Variants in PCDHA12 observed in about 807,000 individuals in gnomAD.
PCDHA12 encodes protocadherin alpha 12.
A neutral mutation model predicts 60.0 loss-of-function variants in PCDHA12; 44 were observed. The observed-to-expected ratio is 0.73, with a 90% CI of 0.58 to 0.94. The LOEUF (loss-of-function observed/expected upper bound fraction) is 0.94, where lower values mean the gene tolerates loss of function less well. Among genes scored for constraint, PCDHA12 ranks in the 40% least tolerant of loss-of-function variants. The pLI is 0.00. For missense variants in PCDHA12, 1,276 were observed against 1,239.7 expected (o/e 1.03, Z -0.44); for synonymous variants, 569 against 553.0 (o/e 1.03, Z -0.40).
At chr5:140,937,798 G>A (rs782138454) in intron 1 of PCDHA12, among the ~76,000 whole-genome samples, 1 of 151,676 alleles carries the variant, frequency 6.6e-6, no homozygotes, top group African/African-American at 2.4e-5. Flanking sequence ...TGTAGTCCCA[G>A]CTACTCGGGA....
chr5:140,947,020 G>A (rs782772876), intron 1 of PCDHA12, among the ~76,000 whole-genome samples: 3 of 151,616 alleles, frequency 2.0e-5, no homozygotes, highest in Non-Finnish European at 4.4e-5. Flanking sequence ...AATGTTTGAG[G>A]TAATGGATAT....
intron 1 of PCDHA12, chr5:140,926,964 C>G (rs149218057): frequency 1.9e-6 from 3 of 1,606,346 alleles, no homozygotes; most frequent in African/African-American, 2.7e-5. Flanking sequence ...AGCTCGAGTA[C>G]TCAGTGCCGG....
chr5:140,959,303 T>C (rs1467527270), intron 1 of PCDHA12, among the ~76,000 whole-genome samples: 1 of 151,938 alleles, frequency 6.6e-6, no homozygotes, highest in African/African-American at 2.4e-5. Flanking sequence ...CTGAGCCCGG[T>C]GGTTGAAGCT....
At chr5:140,979,563 C>T (rs1480899524) in intron 2 of PCDHA12, among the ~76,000 whole-genome samples, 1 of 152,174 alleles carries the variant, frequency 6.6e-6, no homozygotes, top group African/African-American at 2.4e-5. Context: ...GAAGATGAGC[C>T]ATGTAAAGGG....
chr5:140,881,587 G>C (rs1025219392), intron 1 of PCDHA12, among the ~76,000 whole-genome samples: 2 of 152,186 alleles, frequency 1.3e-5, no homozygotes, highest in Non-Finnish European at 1.5e-5. Context: ...CACATTGAGG[G>C]AAATTTATTA....
intron 3 of PCDHA12, among the ~76,000 whole-genome samples, chr5:140,984,768 G>A (rs569046665): frequency 7.2e-5 from 11 of 152,172 alleles, no homozygotes; most frequent in African/African-American, 2.4e-4. Flanking sequence ...CTAATCCCAA[G>A]CTTACTTGCT....
chr5:140,955,216 C>T (rs2095153192), intron 1 of PCDHA12, among the ~76,000 whole-genome samples: 2 of 152,122 alleles, frequency 1.3e-5, no homozygotes, highest in East Asian at 3.9e-4. Flanking sequence ...AGCATGATGC[C>T]TCCAGCTTTG....
chr5:140,993,462 TCACACACACACA>T (rs3836747), intron 3 of PCDHA12, among the ~76,000 whole-genome samples: 1,999 of 141,038 alleles, frequency 0.014, 48 homozygotes, highest in African/African-American at 0.047. Context: ...TCTTTCTTTC[TCACACACACACA>T]CACACACACA....
chr5:140,967,779 C>G, intron 1 of PCDHA12: 1 of 1,614,222 alleles, frequency 6.2e-7, no homozygotes, highest in Non-Finnish European at 8.5e-7. Flanking sequence ...GTGCAGGCGA[C>G]TGACCGGGGT....
intron 1 of PCDHA12, among the ~76,000 whole-genome samples, chr5:140,912,858 A>G (rs1554195572): frequency 6.6e-6 from 1 of 152,192 alleles, no homozygotes; most frequent in East Asian, 1.9e-4. Context: ...ATCAATTGAA[A>G]TGATATATGG....
intron 1 of PCDHA12, among the ~76,000 whole-genome samples, chr5:140,945,892 G>T (rs1351699782): frequency 1.3e-5 from 2 of 152,018 alleles, no homozygotes; most frequent in African/African-American, 4.8e-5. Context: ...AGAAAACACA[G>T]TGGGAAAGAT....
intron 3 of PCDHA12, among the ~76,000 whole-genome samples, chr5:141,007,315 C>A (rs1207897662): frequency 1.3e-5 from 2 of 148,308 alleles, no homozygotes; most frequent in Admixed American, 1.4e-4. Flanking sequence ...TTTTGGGAGG[C>A]TAAAGTGGAC....
At chr5:140,954,015 C>T (rs1322183660) in intron 1 of PCDHA12, among the ~76,000 whole-genome samples, 4 of 152,136 alleles carry the variant, frequency 2.6e-5, no homozygotes, top group African/African-American at 7.2e-5. Context: ...AGCTCCCACA[C>T]ATAGTGGGAC....
At chr5:140,999,855 G>A (rs1019104615) in intron 3 of PCDHA12, among the ~76,000 whole-genome samples, 8 of 152,094 alleles carry the variant, frequency 5.3e-5, no homozygotes, top group Admixed American at 2.6e-4. Context: ...TATCTCTTCC[G>A]CTCCAAGATT....
At chr5:140,998,095 CA>C (rs1482651958) in intron 3 of PCDHA12, among the ~76,000 whole-genome samples, 1 of 152,106 alleles carries the variant, frequency 6.6e-6, no homozygotes, top group Non-Finnish European at 1.5e-5. Flanking sequence ...AATGCTAGAG[CA>C]AACAGAGGAG....
intron 1 of PCDHA12, among the ~76,000 whole-genome samples, chr5:140,913,895 C>A (rs2076500910): frequency 6.6e-6 from 1 of 152,066 alleles, no homozygotes; most frequent in South Asian, 2.1e-4. Flanking sequence ...TTCCAAAATT[C>A]CCCTTTTTTA....
intron 1 of PCDHA12, among the ~76,000 whole-genome samples, chr5:140,906,631 C>A (rs919514401): frequency 6.6e-6 from 1 of 152,238 alleles, no homozygotes; most frequent in East Asian, 1.9e-4. Context: ...TCAGCAAGCA[C>A]CTCAGCAGGT....
rs1554262487 is a variant in PCDHA12, at chr5:141,009,847, G to T, written c.2736G>T (p.Glu912Asp). ...TCATAACCTTCGGCAAAAAGGAGGA[G>T]ACCAAGAAAAAGAAGAAAAAGAAGA... ...SDFITFGKKE[E>D]TKKKKKKKKG... Residue 912 changes from glutamate (E) to aspartate (D), a missense_variant, in exon 4 of 4, where the codon GAG (glutamate) becomes GAT (aspartate). Glu to Asp is a conservative substitution (Grantham distance 45). Coordinates refer to ENST00000398631, the MANE Select transcript of PCDHA12 (RefSeq NM_018903.4). 1 of 1,613,870 alleles carries T rather than the reference G, an allele frequency of 6.2e-7. No homozygotes were observed. Among genetic ancestry groups the T allele is most frequent in the Non-Finnish European group, 8.5e-7 (1 of 1,180,010 alleles).
At chr5:140,975,330 A>G (rs563974651) in intron 1 of PCDHA12, among the ~76,000 whole-genome samples, 1 of 152,320 alleles carries the variant, frequency 6.6e-6, no homozygotes, top group African/African-American at 2.4e-5. Flanking sequence ...CATCCAGATG[A>G]TCTCCCTTTC....
Sources: gnomAD v4.1 joint callset for allele counts (sites outside exome capture counted in the v4.1 genomes callset) on GRCh38, gnomAD v4.1.1 for gene constraint, MANE v1.5 for transcripts, NCBI Gene and HGNC (gene_info 2026-07-23, HGNC 2026-07-21) for gene names.